Variants in PGM3 observed in about 807,000 individuals in gnomAD.
The protein encoded by PGM3 is phosphoglucomutase 3.
In PGM3, 40 loss-of-function variants were observed where a neutral mutation model predicts 66.2. The ratio of observed to expected loss-of-function variants is 0.60; its 90% CI spans 0.47 to 0.79. The LOEUF (loss-of-function observed/expected upper bound fraction) is 0.79, where lower values mean the gene tolerates loss of function less well. PGM3 is among the 30% of genes least tolerant of loss of function. The pLI, the probability that PGM3 is intolerant of heterozygous loss-of-function variation, is 0.00. For synonymous variants in PGM3, 191 were observed against 224.2 expected (o/e 0.85, Z 1.32); for missense variants, 537 against 643.4 (o/e 0.83, Z 1.79).
In PGM3 at chr6:83,167,121, C is replaced by G. The variant is rs1054390053; in HGVS notation, c.*2113G>C. On this transcript the variant is annotated 3_prime_UTR_variant, in exon 13 of 13. Transcript: ENST00000513973. Reference sequence around the variant, plus strand: ...ATTTAGTTGACAGAGTTTTCACATACCTTCTCATTTGACTTCTCTACTAAA... The same window carrying G: ...ATTTAGTTGACAGAGTTTTCACATAGCTTCTCATTTGACTTCTCTACTAAA... The G allele has an allele frequency of 1.0e-6, 1 of 962,654 alleles. No homozygotes were observed. The highest frequency in any genetic ancestry group is 1.8e-5 in the African/African-American group (1 of 56,716). 59.6% of individuals were successfully genotyped at this position (962,654 alleles called of 1,614,324 possible). A position where few individuals can be genotyped will look rare whatever the true frequency, so the allele number is the denominator to read the frequency against.
intron 1 of PGM3, among the ~76,000 whole-genome samples, chr6:83,191,994 A>T (rs1316833835): frequency 1.4e-5 from 2 of 138,036 alleles, no homozygotes; most frequent in East Asian, 2.1e-4. Flanking sequence ...AGGCCAGGTG[A>T]GGTGGCTCAG....
downstream of PGM3, among the ~76,000 whole-genome samples, chr6:83,158,029 C>T (rs11970642): frequency 0.22 from 33,050 of 151,532 alleles, 3,854 homozygotes; most frequent in Middle Eastern, 0.32. Context: ...GATGGAGTCT[C>T]GCTCTGTCAC....
the PGM3 span, among the ~76,000 whole-genome samples, chr6:83,155,288 C>T: frequency 3.3e-5 from 5 of 150,278 alleles, no homozygotes. Flanking sequence ...ATAGCGAGAC[C>T]CCAGCTCTAC....
At position 83,181,910 on chromosome 6, in the gene PGM3, A is replaced by G. The variant is rs754646068; in HGVS notation, c.613T>C (p.Tyr205His). The G allele has an allele frequency of 2.5e-6, 4 of 1,602,818 alleles. No individual in the cohort carries two copies. In the Admixed American group the frequency reaches 5.3e-5, roughly 21 times the overall value. Residue 205 changes from tyrosine to histidine, a missense_variant, in exon 6 of 13, where the codon TAC (tyrosine) becomes CAC (histidine). Physicochemically the swap from Tyr to His is moderately conservative, Grantham distance 83. Coordinates refer to ENST00000513973, the MANE Select transcript of PGM3 (RefSeq NM_015599.3). The part of the protein sequence containing the change: ...TKQASCSGDE[Y>H]RSLKVDCANG... The stretch of plus-strand genomic sequence containing the variant: ...GCACAGTCAACCTTAAGTGATCTGT[A>G]TTCATCTCCACTGCAAGAAGCCTAC...
chr6:83,174,067 G>A (rs1206170015), intron 10 of PGM3, among the ~76,000 whole-genome samples: 3 of 151,956 alleles, frequency 2.0e-5, no homozygotes, highest in Non-Finnish European at 4.4e-5. Context: ...TAATTTCATC[G>A]AGGTTTGGTT....
At chr6:83,174,814 C>T (rs1329967939) in intron 9 of PGM3, among the ~76,000 whole-genome samples, 3 of 152,182 alleles carry the variant, frequency 2.0e-5, no homozygotes, top group Non-Finnish European at 4.4e-5. Context: ...CATTTCTGTG[C>T]AACCAGGTTA....
chr6:83,174,474 G>A lies in PGM3; in HGVS notation c.1142C>T (p.Thr381Ile). Residue 381 changes from threonine (T) to isoleucine (I), a missense_variant, in exon 10 of 13, where the codon ACA (threonine) becomes ATA (isoleucine). Physicochemically the swap from Thr to Ile is moderately conservative, Grantham distance 89. Transcript: ENST00000513973. ...ANGHGTALFS[T>I]AVEMKIKQSA... ...TTGTTTTATCTTCATTTCAACAGCT[G>A]TACTAAACAGTGCCTGCAGCAAAAG... The A allele has an allele frequency of 2.6e-6, 4 of 1,562,816 alleles. No individual in the cohort carries two copies. Among genetic ancestry groups the A allele is most frequent in the Non-Finnish European group, 3.5e-6 (4 of 1,144,724 alleles).
chr6:83,152,925 G>A, the PGM3 span, among the ~76,000 whole-genome samples: 1 of 151,974 alleles, frequency 6.6e-6, no homozygotes, highest in African/African-American at 2.4e-5. Flanking sequence ...GCCTGGGGAG[G>A]GGTGGAGGTG....
downstream of PGM3, among the ~76,000 whole-genome samples, chr6:83,157,578 T>C (rs1783076538): frequency 6.6e-6 from 1 of 152,242 alleles, no homozygotes; most frequent in Non-Finnish European, 1.5e-5. Context: ...TAGTGTTTAG[T>C]CTGTACTACA....
At chr6:83,160,471 C>T (rs1384429183), downstream of PGM3, among the ~76,000 whole-genome samples, 1 of 152,162 alleles carries the variant, frequency 6.6e-6, no homozygotes, top group Admixed American at 6.5e-5. Flanking sequence ...CATGTAAGAC[C>T]TTGTAAGCTG....
At chr6:83,162,168 T>C (rs1308315285), downstream of PGM3, among the ~76,000 whole-genome samples, 1 of 152,186 alleles carries the variant, frequency 6.6e-6, no homozygotes, top group African/African-American at 2.4e-5. Flanking sequence ...ACAACATTGA[T>C]GAATCCTATG....
At chr6:83,189,582 C>T (rs150443593) in intron 2 of PGM3, among the ~76,000 whole-genome samples, 206 of 152,340 alleles carry the variant, frequency 1.4e-3, no homozygotes, top group African/African-American at 4.8e-3. Context: ...CACAGACCTA[C>T]ACCACTTTAA....
chr6:83,174,504 T>G lies in PGM3; in HGVS notation c.1129-17A>C. ...AAACAGTGCCTGCAGCAAAAGAATA[T>G]AAAATCAGTCTCAAAACACTATCCA... On this transcript the variant is annotated splice_polypyrimidine_tract_variant and intron_variant, in intron 9 of 12. Coordinates refer to ENST00000513973, the MANE Select transcript of PGM3 (RefSeq NM_015599.3). 2.9e-6 allele frequency: 4 copies of G among 1,370,520 alleles called. No homozygotes were observed. The South Asian group carries it at 5.1e-5, about 17-fold the overall frequency. 84.9% of individuals were successfully genotyped at this position (1,370,520 alleles called of 1,614,324 possible). A position where few individuals can be genotyped will look rare whatever the true frequency, so the allele number is the denominator to read the frequency against.
chr6:83,184,539 A>G (rs524068), intron 4 of PGM3, among the ~76,000 whole-genome samples: 1 of 152,110 alleles, frequency 6.6e-6, no homozygotes, highest in Non-Finnish European at 1.5e-5. Context: ...TTTGTGACCA[A>G]TATCAAAATT....
rs938461589 is a variant in PGM3 at position 83,165,271 on chromosome 6, A to G, written c.*3963T>C. 2.0e-5 allele frequency: 3 copies of G among 152,604 alleles called. No homozygotes were observed. The highest frequency in any genetic ancestry group is 7.2e-5 in the African/African-American group (3 of 41,444). The allele number at this position is 152,604 out of a possible 1,614,324, so 9.5% of individuals were successfully genotyped here. Reference sequence around the variant, plus strand: ...GAAAGAAAGAAAGAAAGTTTTATATATCCTGTAATCTAGACTGGAAGCTAA... The same window carrying G: ...GAAAGAAAGAAAGAAAGTTTTATATGTCCTGTAATCTAGACTGGAAGCTAA... On this transcript the variant is annotated 3_prime_UTR_variant, in exon 13 of 13. Coordinates refer to ENST00000513973, the MANE Select transcript of PGM3 (RefSeq NM_015599.3).
chr6:83,152,358 A>T, the PGM3 span: 14 of 1,524,178 alleles, frequency 9.2e-6, no homozygotes, highest in African/African-American at 1.4e-5. Flanking sequence ...CATTGACATT[A>T]CTCTCTGAGG....
Position 83,179,831 on chromosome 6 carries a change from G to T in PGM3, c.924C>A (p.Phe308Leu). The change falls in exon 7 of 13, where the codon TTC becomes TTA. Residue 308 changes from phenylalanine to leucine, a missense_variant. Transcript: ENST00000513973. Reference sequence around the variant, plus strand: ...ATACCTCCACCAGGAGCTCTTTAAGGAAACTGCTAATTAACGTTGCTATCT... The same window carrying T: ...ATACCTCCACCAGGAGCTCTTTAAGTAAACTGCTAATTAACGTTGCTATCT... Reference protein sequence around the residue: ...GDKIATLISSFLKELLVEIGE... With the variant: ...GDKIATLISSLLKELLVEIGE... The T allele has an allele frequency of 6.2e-7, 1 of 1,612,010 alleles. No individual in the cohort carries two copies. The highest frequency in any genetic ancestry group is 2.2e-5 in the East Asian group (1 of 44,784).
At chr6:83,155,791 T>A in the PGM3 span, among the ~76,000 whole-genome samples, 1 of 152,248 alleles carries the variant, frequency 6.6e-6, no homozygotes, top group African/African-American at 2.4e-5. Context: ...ATACGTTGGA[T>A]CTGTTTGCCA....
At chr6:83,183,017 T>A in intron 4 of PGM3, 39 bp from the exon 5 acceptor site, 1 of 1,592,210 alleles carries the variant, frequency 6.3e-7, no homozygotes, top group South Asian at 1.1e-5. Context: ...CCGCATTTCT[T>A]AACAAAGAGA....
Sources: gnomAD v4.1 joint callset for allele counts (sites outside exome capture counted in the v4.1 genomes callset) on GRCh38, gnomAD v4.1.1 for gene constraint, MANE v1.5 for transcripts, NCBI Gene and HGNC (gene_info 2026-07-23, HGNC 2026-07-21) for gene names.